NPAS3: variants seen among roughly 807,000 people sequenced by gnomAD.
NPAS3 encodes the protein neuronal PAS domain protein 3, also known as neuronal PAS domain-containing protein 3.
A neutral mutation model predicts 73.1 loss-of-function variants in NPAS3; 14 were observed. That is an observed-to-expected ratio of 0.19 (90% CI 0.13 to 0.30). The LOEUF is 0.30. Ranked by LOEUF, NPAS3 falls within the 10% of genes least tolerant of loss-of-function variation. NPAS3 has a pLI of 1.00. For missense variants in NPAS3, 1,096 were observed against 1,250.0 expected (o/e 0.88, Z 1.86); for synonymous variants, 620 against 541.5 (o/e 1.14, Z -2.01).
At chr14:33,419,679 C>T (rs1047761068) in intron 4 of NPAS3, among the ~76,000 whole-genome samples, 1 of 151,800 alleles carries the variant, frequency 6.6e-6, no homozygotes, top group Non-Finnish European at 1.5e-5. Flanking sequence ...TAGAAGGAAA[C>T]CTACTTTCTG....
At chr14:33,212,620 TTA>T (rs1566683117) in intron 2 of NPAS3, among the ~76,000 whole-genome samples, 1 of 152,206 alleles carries the variant, frequency 6.6e-6, no homozygotes, top group Non-Finnish European at 1.5e-5. Flanking sequence ...TATCTATCCT[TTA>T]TAGCCTATTG....
At chr14:33,680,387 A>AT (rs2059900038) in intron 6 of NPAS3, among the ~76,000 whole-genome samples, 1 of 152,226 alleles carries the variant, frequency 6.6e-6, no homozygotes, top group African/African-American at 2.4e-5. Context: ...GACCACCACC[A>AT]TCCCAACTAT....
chr14:33,175,306 C>A (rs956923749), intron 2 of NPAS3, among the ~76,000 whole-genome samples: 1 of 151,970 alleles, frequency 6.6e-6, no homozygotes, highest in East Asian at 1.9e-4. Context: ...ATTTTTAGAA[C>A]GGGCAGAGTT....
chr14:33,276,579 A>G (rs1481770193), intron 3 of NPAS3, among the ~76,000 whole-genome samples: 1 of 152,144 alleles, frequency 6.6e-6, no homozygotes, highest in Non-Finnish European at 1.5e-5. Flanking sequence ...ACCACTTCCT[A>G]ACTCTGAGAT....
intron 7 of NPAS3, among the ~76,000 whole-genome samples, chr14:33,742,294 A>T (rs2061674416): frequency 6.6e-6 from 1 of 151,986 alleles, no homozygotes; most frequent in Non-Finnish European, 1.5e-5. Flanking sequence ...CAGTTACTAA[A>T]CTCTTTACAG....
chr14:33,785,374 G>T (rs182678036), intron 9 of NPAS3, among the ~76,000 whole-genome samples: 17 of 146,232 alleles, frequency 1.2e-4, no homozygotes, highest in African/African-American at 3.8e-4. Flanking sequence ...GGTGGAGCTT[G>T]CAGTGAGCCA....
chr14:33,113,309 G>A (rs1243311426), intron 2 of NPAS3, among the ~76,000 whole-genome samples: 2 of 152,210 alleles, frequency 1.3e-5, no homozygotes, highest in South Asian at 2.1e-4. Flanking sequence ...AGCATGGAAT[G>A]TTCTTCCATT....
At chr14:33,483,363 T>C (rs926519120) in intron 4 of NPAS3, among the ~76,000 whole-genome samples, 1 of 152,264 alleles carries the variant, frequency 6.6e-6, no homozygotes, top group East Asian at 1.9e-4. Flanking sequence ...TTTGTTCTGT[T>C]TGAACAGAAA....
intron 3 of NPAS3, among the ~76,000 whole-genome samples, chr14:33,259,623 A>ATTGTATTTTGTTAATTAAAT (rs2048897973): frequency 6.6e-6 from 1 of 152,200 alleles, no homozygotes; most frequent in Non-Finnish European, 1.5e-5. Flanking sequence ...AGGGGGAGAC[A>ATTGTATTTTGTTAATTAAAT]TATTGTAAGT....
chr14:33,215,160 A>T (rs1468218442), intron 2 of NPAS3, 22 bp from the exon 3 acceptor site: 1 of 1,611,806 alleles, frequency 6.2e-7, no homozygotes, highest in Non-Finnish European at 8.5e-7. Context: ...TAAACCACAC[A>T]TTCTCACTCC....
chr14:33,666,901 A>T (rs1158118799), intron 5 of NPAS3, among the ~76,000 whole-genome samples: 1 of 152,016 alleles, frequency 6.6e-6, no homozygotes, highest in African/African-American at 2.4e-5. Context: ...CTTCCCTTTC[A>T]TGTCATTTTC....
At chr14:33,784,230 T>G (rs2063072674) in intron 9 of NPAS3, among the ~76,000 whole-genome samples, 1 of 151,860 alleles carries the variant, frequency 6.6e-6, no homozygotes, top group Admixed American at 6.6e-5. Flanking sequence ...GTTTTTTTCC[T>G]ATTCAAGTTT....
chr14:33,143,377 G>T (rs570416461), intron 2 of NPAS3, among the ~76,000 whole-genome samples: 2 of 152,050 alleles, frequency 1.3e-5, no homozygotes, highest in African/African-American at 4.8e-5. Context: ...TGTAATCCCA[G>T]CTACTTGGGA....
intron 3 of NPAS3, among the ~76,000 whole-genome samples, chr14:33,334,333 C>A (rs2044118974): frequency 6.6e-6 from 1 of 152,110 alleles, no homozygotes; most frequent in African/African-American, 2.4e-5. Flanking sequence ...GCTTTTAAAA[C>A]ACTTCCATCA....
rs573507687 is a variant in NPAS3 at position 33,651,933 on chromosome 14, G to A, written c.559-24278G>A. Among the ~76,000 whole-genome samples the A allele has an allele frequency of 2.6e-5, 4 of 152,230 alleles. No individual in the cohort carries two copies. The South Asian group carries it at 8.3e-4, about 32-fold the overall frequency. ...ACATGTTAAAGTTTAAAAATGATAAGGCTTAGCATGGCAGCCTGCTACCCA... is the reference window on the plus strand; with the variant it reads ...ACATGTTAAAGTTTAAAAATGATAAAGCTTAGCATGGCAGCCTGCTACCCA... On this transcript the variant is annotated intron_variant, in intron 5 of 11. Coordinates refer to ENST00000356141, the Ensembl canonical transcript of NPAS3.
chr14:33,230,377 GCTA>G (rs1360081350), intron 3 of NPAS3, among the ~76,000 whole-genome samples: 1 of 152,116 alleles, frequency 6.6e-6, no homozygotes, highest in Non-Finnish European at 1.5e-5. Context: ...AACAGACTCT[GCTA>G]GCTTTGAACC....
intron 2 of NPAS3, among the ~76,000 whole-genome samples, chr14:33,136,459 A>G (rs17553255): frequency 0.021 from 3,144 of 152,326 alleles, 46 homozygotes; most frequent in Non-Finnish European, 0.029. Flanking sequence ...AATGCAGGCT[A>G]TGAGCAGTTC....
At chr14:33,026,168 T>C (rs934817622) in intron 1 of NPAS3, among the ~76,000 whole-genome samples, 1 of 152,160 alleles carries the variant, frequency 6.6e-6, no homozygotes, top group African/African-American at 2.4e-5. Context: ...AGATGACCAT[T>C]ATTCCATGCA....
intron 5 of NPAS3, among the ~76,000 whole-genome samples, chr14:33,648,222 G>A (rs1261722943): frequency 6.6e-6 from 1 of 152,186 alleles, no homozygotes; most frequent in Non-Finnish European, 1.5e-5. Context: ...GCCCACTACA[G>A]GAACAGAAGC....
Sources: gnomAD v4.1 joint callset for allele counts (sites outside exome capture counted in the v4.1 genomes callset) on GRCh38, gnomAD v4.1.1 for gene constraint, MANE v1.5 for transcripts, NCBI Gene and HGNC (gene_info 2026-07-23, HGNC 2026-07-21) for gene names.